The following DGLUCY variants were observed in gnomAD, a reference collection of about 807,000 sequenced individuals.
DGLUCY encodes D-glutamate cyclase, mitochondrial.
A neutral mutation model predicts 58.5 loss-of-function variants in DGLUCY; 58 were observed. The ratio of observed to expected loss-of-function variants is 0.99; its 90% CI spans 0.80 to 1.23. The LOEUF (loss-of-function observed/expected upper bound fraction) is 1.23, where lower values mean the gene tolerates loss of function less well. Among genes scored for constraint, DGLUCY ranks in the 50% most tolerant of loss-of-function variants. The pLI is 0.00. For missense variants in DGLUCY, 779 were observed against 784.7 expected (o/e 0.99, Z 0.09); for synonymous variants, 325 against 314.1 (o/e 1.03, Z -0.37).
intron 1 of DGLUCY, among the ~76,000 whole-genome samples, chr14:91,108,530 A>T (rs77095180): frequency 0.071 from 3,613 of 50,656 alleles, 58 homozygotes; most frequent in African/African-American, 0.11. Context: ...TGTGTGTGAG[A>T]GAGAGAGAGA....
intron 1 of DGLUCY, among the ~76,000 whole-genome samples, chr14:91,120,188 A>G (rs2045263169): frequency 6.6e-6 from 1 of 152,098 alleles, no homozygotes; most frequent in Non-Finnish European, 1.5e-5. Flanking sequence ...GCAAAAGCTG[A>G]TGACTCGCAG....
chr14:91,071,981 G>A (rs979743888), intron 1 of DGLUCY, among the ~76,000 whole-genome samples: 13 of 151,890 alleles, frequency 8.6e-5, no homozygotes, highest in Non-Finnish European at 1.9e-4. Flanking sequence ...AGATTTCTAA[G>A]CATGTAAATT....
intron 1 of DGLUCY, among the ~76,000 whole-genome samples, chr14:91,119,578 T>C (rs941674): frequency 0.99 from 151,251 of 152,230 alleles, 75,150 homozygotes; most frequent in East Asian, 1. Flanking sequence ...CTAAATATCC[T>C]CTGGGTCTCT....
At chr14:91,198,927 A>G (rs1271409799) in intron 10 of DGLUCY, among the ~76,000 whole-genome samples, 1 of 152,192 alleles carries the variant, frequency 6.6e-6, no homozygotes, top group African/African-American at 2.4e-5. Context: ...ATCTGCTGCC[A>G]CAGCCCACAT....
At chr14:91,194,160 G>T (rs1294028214) in intron 9 of DGLUCY, among the ~76,000 whole-genome samples, 1 of 152,204 alleles carries the variant, frequency 6.6e-6, no homozygotes, top group East Asian at 1.9e-4. Flanking sequence ...CAGCCAGGTA[G>T]TTAGCACACA....
At chr14:91,145,759 T>C (rs961949813) in intron 1 of DGLUCY, among the ~76,000 whole-genome samples, 7 of 152,202 alleles carry the variant, frequency 4.6e-5, no homozygotes, top group Non-Finnish European at 8.8e-5. Context: ...GCAGGTGCCA[T>C]TATCCTCCCC....
chr14:91,189,300 C>G, intron 9 of DGLUCY, 130 bp downstream of exon 9: 2 of 1,239,890 alleles, frequency 1.6e-6, no homozygotes, highest in Non-Finnish European at 2.2e-6. Flanking sequence ...AGCTGCATAG[C>G]TTGATTTCAT....
intron 5 of DGLUCY, among the ~76,000 whole-genome samples, chr14:91,170,594 C>G (rs766149801): frequency 6.6e-6 from 1 of 152,178 alleles, no homozygotes; most frequent in South Asian, 2.1e-4. Flanking sequence ...GGCAGAGCCT[C>G]GGCCAGGCAG....
intron 13 of DGLUCY, among the ~76,000 whole-genome samples, chr14:91,216,946 A>G (rs1408119062): frequency 6.6e-6 from 1 of 152,224 alleles, no homozygotes; most frequent in Non-Finnish European, 1.5e-5. Flanking sequence ...CTGAGCAGCG[A>G]GGTGGCAGCG....
At chr14:91,160,187 G>T in intron 2 of DGLUCY, 79 bp from the exon 3 acceptor site, 1 of 871,200 alleles carries the variant, frequency 1.1e-6, no homozygotes, top group Non-Finnish European at 2.0e-6. Flanking sequence ...GATGTGGTAT[G>T]TGAAGCTATG....
At chr14:91,173,804 T>TATCA (rs1324450622) in intron 6 of DGLUCY, 1 of 165,976 alleles carries the variant, frequency 6.0e-6, no homozygotes, top group Non-Finnish European at 1.3e-5. Flanking sequence ...AGTTTATATA[T>TATCA]ATCACATCCT....
intron 1 of DGLUCY, among the ~76,000 whole-genome samples, chr14:91,072,503 T>C (rs2043938991): frequency 1.3e-5 from 2 of 152,152 alleles, no homozygotes; most frequent in South Asian, 4.1e-4. Flanking sequence ...AATTTCTGTT[T>C]TCTGTAAAAT....
chr14:91,178,331 A>C (rs2048980052), intron 7 of DGLUCY, among the ~76,000 whole-genome samples: 1 of 151,938 alleles, frequency 6.6e-6, no homozygotes, highest in Admixed American at 6.6e-5. Flanking sequence ...TGTCCAGCTA[A>C]TTTTTAAATT....
chr14:91,156,417 T>C (rs1045152300), intron 1 of DGLUCY, among the ~76,000 whole-genome samples: 4 of 152,192 alleles, frequency 2.6e-5, no homozygotes, highest in Non-Finnish European at 5.9e-5. Context: ...CCCGGCCTGT[T>C]TCTAAATCAT....
chr14:91,156,019 A>T (rs1371597807), intron 1 of DGLUCY, among the ~76,000 whole-genome samples: 1 of 152,072 alleles, frequency 6.6e-6, no homozygotes, highest in African/African-American at 2.4e-5. Context: ...TGAACAGAAC[A>T]TGGGCATGTC....
intron 5 of DGLUCY, among the ~76,000 whole-genome samples, chr14:91,172,961 G>A (rs905215926): frequency 6.6e-6 from 1 of 152,114 alleles, no homozygotes; most frequent in Non-Finnish European, 1.5e-5. Flanking sequence ...TCTATTATTT[G>A]ATAACTGTGC....
chr14:91,060,632 C>A, exon 1 of DGLUCY: 1 of 683,014 alleles, frequency 1.5e-6, no homozygotes, highest in Non-Finnish European at 2.0e-6. Flanking sequence ...GCGGGCACCG[C>A]TAGTACCGCG....
chr14:91,136,044 C>G (rs1292034002), intron 1 of DGLUCY, among the ~76,000 whole-genome samples: 1 of 150,512 alleles, frequency 6.6e-6, no homozygotes, highest in African/African-American at 2.4e-5. Context: ...ACGCCATTCT[C>G]CTGCCTCAGC....
At chr14:91,104,211 C>T (rs1211087441), upstream of DGLUCY, among the ~76,000 whole-genome samples, 5 of 151,346 alleles carry the variant, frequency 3.3e-5, no homozygotes, top group African/African-American at 4.9e-5. Context: ...TACAGGCACC[C>T]GCCACCACGC....
Sources: allele counts gnomAD v4.1 joint callset (sites outside exome capture counted in the v4.1 genomes callset), GRCh38; gene constraint gnomAD v4.1.1; transcripts MANE v1.5; gene names NCBI Gene and HGNC (gene_info 2026-07-23, HGNC 2026-07-21).